The following NRXN3 variants were observed in gnomAD, a reference collection of about 807,000 sequenced individuals.
NRXN3 encodes neurexin III.
Under a neutral mutation model 137.6 loss-of-function variants are expected in NRXN3, and 32 were observed. The observed-to-expected ratio is 0.23, with a 90% CI of 0.18 to 0.31. NRXN3 has a LOEUF of 0.31. Among genes scored for constraint, NRXN3 ranks in the 10% least tolerant of loss-of-function variants. The pLI is 1.00. For missense variants in NRXN3, 1,574 were observed against 2,062.5 expected (o/e 0.76, Z 4.59); for synonymous variants, 798 against 784.5 (o/e 1.02, Z -0.29).
intron 4 of NRXN3, among the ~76,000 whole-genome samples, chr14:78,334,974 C>T (rs1314353669): frequency 1.3e-5 from 2 of 152,168 alleles, no homozygotes; most frequent in Non-Finnish European, 2.9e-5. Context: ...ATGAAGGAAA[C>T]AGGAATGGGG....
intron 15 of NRXN3, among the ~76,000 whole-genome samples, chr14:79,457,130 A>G (rs1219722442): frequency 6.6e-6 from 1 of 152,170 alleles, no homozygotes; most frequent in Non-Finnish European, 1.5e-5. Flanking sequence ...TGCTGTATAT[A>G]AGAGCAGAAT....
At chr14:78,594,577 A>G (rs1461516528) in intron 4 of NRXN3, among the ~76,000 whole-genome samples, 1 of 152,130 alleles carries the variant, frequency 6.6e-6, no homozygotes, top group East Asian at 1.9e-4. Context: ...TTAATGATAT[A>G]AACCTTCTCA....
Position 79,145,041 on chromosome 14 carries a change from C to A in NRXN3, c.3262+156900C>A, listed in dbSNP as rs1024488674. ...CTTTTTAGGTAAATGAATTAAGTCT[C>A]ATGCAATTTCCTGTGTGGGAGACTC... On this transcript the variant is annotated intron_variant, in intron 15 of 20. Coordinates refer to ENST00000335750, the MANE Select transcript of NRXN3 (RefSeq NM_001330195.2). Among the ~76,000 whole-genome samples the A allele has an allele frequency of 2.6e-5, 4 of 152,186 alleles. No homozygotes were observed. In the East Asian group the frequency reaches 5.8e-4, roughly 22 times the overall value.
chr14:79,185,466 A>AT (rs1447137247), intron 15 of NRXN3, among the ~76,000 whole-genome samples: 5 of 57,048 alleles, frequency 8.8e-5, no homozygotes, highest in African/African-American at 1.9e-4. Flanking sequence ...CACACTTGGG[A>AT]ATTTTTTTTT....
At chr14:78,277,982 C>A (rs2153499717) in intron 2 of NRXN3, among the ~76,000 whole-genome samples, 1 of 152,230 alleles carries the variant, frequency 6.6e-6, no homozygotes, top group African/African-American at 2.4e-5. Flanking sequence ...GGCAGGATTT[C>A]AATTTGTTTG....
chr14:78,532,326 GAAAAA>G lies in NRXN3; in HGVS notation c.758-112787_758-112783del, dbSNP rs1381991248. Among the ~76,000 whole-genome samples the G allele has an allele frequency of 5.2e-4, 49 of 94,634 alleles. 2 individuals are homozygous for G. The highest frequency in any genetic ancestry group is 3.5e-3 in the South Asian group (10 of 2,892). The allele number at this position is 94,634 out of a possible 152,430, so 62.1% of individuals were successfully genotyped here. On this transcript the variant is annotated intron_variant, in intron 4 of 20. Coordinates refer to ENST00000335750, the MANE Select transcript of NRXN3 (RefSeq NM_001330195.2). Reference sequence around the variant, plus strand: ...ATAAGAGCGAAACTCCATCTCAAAAGAAAAAAAAAAAGAAAAGAAAAGAAAAGAAA... The same window carrying G: ...ATAAGAGCGAAACTCCATCTCAAAAGAAAAAAGAAAAGAAAAGAAAAGAAA...
Position 79,867,243 on chromosome 14 carries a change from G to A in NRXN3, c.*5279G>A, listed in dbSNP as rs1353577245. On this transcript the variant is annotated 3_prime_UTR_variant, in exon 21 of 21. Coordinates refer to ENST00000335750, the MANE Select transcript of NRXN3 (RefSeq NM_001330195.2). ...AAGTCATTTTCTACTTTTTCCAGAA[G>A]CATTTGAAGTGGAAGCTAAGGCAGG... 1 of 152,150 alleles carries A rather than the reference G, an allele frequency of 6.6e-6. No individual in the cohort carries two copies. The highest frequency in any genetic ancestry group is 1.5e-5 in the Non-Finnish European group (1 of 68,028). 9.4% of individuals were successfully genotyped at this position (152,150 alleles called of 1,614,324 possible). A position where few individuals can be genotyped will look rare whatever the true frequency, so the allele number is the denominator to read the frequency against.
chr14:78,457,048 G>T (rs8010016), intron 4 of NRXN3, among the ~76,000 whole-genome samples: 3 of 127,360 alleles, frequency 2.4e-5, no homozygotes, highest in Non-Finnish European at 1.6e-5. Flanking sequence ...CCTCTCCCCC[G>T]CCACCTCCTC....
intron 17 of NRXN3, 129 bp downstream of exon 17, chr14:79,664,078 G>A: frequency 3.1e-6 from 3 of 954,436 alleles, no homozygotes; most frequent in Non-Finnish European, 1.6e-6. Flanking sequence ...TGATTTTTTT[G>A]TATGAGAAGA....
At chr14:79,370,310 T>G (rs1435692953) in intron 15 of NRXN3, among the ~76,000 whole-genome samples, 5 of 141,732 alleles carry the variant, frequency 3.5e-5, no homozygotes, top group Admixed American at 7.8e-5. Flanking sequence ...TCTGTTTTTT[T>G]GGGTTTTTTT....
At chr14:78,633,487 C>A (rs74064161) in intron 4 of NRXN3, among the ~76,000 whole-genome samples, 5,458 of 152,208 alleles carry the variant, frequency 0.036, 349 homozygotes, top group African/African-American at 0.13. Flanking sequence ...TCCTCTTTCA[C>A]CTATCCATTC....
chr14:79,237,081 T>TTA (rs527987372), intron 15 of NRXN3, among the ~76,000 whole-genome samples: 1 of 110,752 alleles, frequency 9.0e-6, no homozygotes, highest in Non-Finnish European at 2.1e-5. Context: ...CACAAGGGTG[T>TTA]TTTTTTTTTT....
intron 15 of NRXN3, among the ~76,000 whole-genome samples, chr14:79,258,828 CAGAT>C (rs1190566144): frequency 1.3e-5 from 2 of 152,118 alleles, no homozygotes; most frequent in East Asian, 1.9e-4. Flanking sequence ...CTGGGAGAAA[CAGAT>C]AGGCAGAGAA....
chr14:78,847,723 C>T (rs888881367), intron 10 of NRXN3, among the ~76,000 whole-genome samples: 3 of 152,072 alleles, frequency 2.0e-5, no homozygotes, highest in African/African-American at 7.2e-5. Flanking sequence ...TTACCCTTCC[C>T]CTTTTATCCC....
In NRXN3 at chr14:79,512,817, C is replaced by A. The variant is rs183850429; in HGVS notation, c.3444+45415C>A. Among the ~76,000 whole-genome samples, 17 of 152,292 alleles carry A rather than the reference C, an allele frequency of 1.1e-4. No individual in the cohort carries two copies. In the East Asian group the frequency reaches 3.3e-3, roughly 29 times the overall value. On this transcript the variant is annotated intron_variant, in intron 16 of 20. Coordinates refer to ENST00000335750, the MANE Select transcript of NRXN3 (RefSeq NM_001330195.2). ...CAGTCCGTCTCTTCTAGAATGAAAG[C>A]TCCCACAAATCAGCAATTGCATCTG... is the stretch of plus-strand genomic sequence containing the variant.
At chr14:79,068,582 AC>A (rs1333314681) in intron 15 of NRXN3, among the ~76,000 whole-genome samples, 2 of 152,152 alleles carry the variant, frequency 1.3e-5, no homozygotes, top group Admixed American at 6.6e-5. Flanking sequence ...TAAAGTCTCC[AC>A]TTGTCACTTG....
chr14:79,145,794 A>G (rs1349057609), intron 15 of NRXN3, among the ~76,000 whole-genome samples: 3 of 152,226 alleles, frequency 2.0e-5, no homozygotes, highest in African/African-American at 7.2e-5. Flanking sequence ...AAGCATGAGT[A>G]TCATTCTGTT....
At chr14:78,715,959 C>T (rs745423274) in intron 8 of NRXN3, among the ~76,000 whole-genome samples, 1 of 152,104 alleles carries the variant, frequency 6.6e-6, no homozygotes, top group Non-Finnish European at 1.5e-5. Flanking sequence ...TAGTGAGCAA[C>T]CCTGACAGTT....
rs953736693 is a variant in NRXN3, at chr14:78,465,716, G to A, written c.757+167856G>A. 4.7e-5 allele frequency among the ~76,000 whole-genome samples: 7 copies of A among 149,638 alleles called. No individual in the cohort carries two copies. The East Asian group carries it at 1.0e-3, about 21-fold the overall frequency. On this transcript the variant is annotated intron_variant, in intron 4 of 20. Transcript: ENST00000335750. ...TGCCCGGCTAATTTTTGTATTTTTA[G>A]TAGAGATGGGGTTTCACCGTGTTGG...
Sources: gnomAD v4.1 joint callset for allele counts (sites outside exome capture counted in the v4.1 genomes callset) on GRCh38, gnomAD v4.1.1 for gene constraint, MANE v1.5 for transcripts, NCBI Gene and HGNC (gene_info 2026-07-23, HGNC 2026-07-21) for gene names.